The following CTNNA2 variants were observed in gnomAD, a reference collection of about 807,000 sequenced individuals.
The protein encoded by CTNNA2 is catenin alpha-2.
Under a neutral mutation model 101.0 loss-of-function variants are expected in CTNNA2, and 42 were observed. That is an observed-to-expected ratio of 0.42 (90% CI 0.32 to 0.54). The LOEUF (loss-of-function observed/expected upper bound fraction) is 0.54, where lower values mean the gene tolerates loss of function less well. Ranked by LOEUF, CTNNA2 falls within the 20% of genes least tolerant of loss-of-function variation. CTNNA2 has a pLI of 0.14. For missense variants in CTNNA2, 871 were observed against 1,223.1 expected (o/e 0.71, Z 4.29); for synonymous variants, 450 against 456.4 (o/e 0.99, Z 0.18).
At chr2:80,371,943 G>A (rs577379993) in intron 7 of CTNNA2, among the ~76,000 whole-genome samples, 4 of 152,144 alleles carry the variant, frequency 2.6e-5, no homozygotes, top group African/African-American at 7.2e-5. Flanking sequence ...ATGAAATGAC[G>A]TAAAATAGCT....
chr2:79,796,670 C>T (rs1276685871), intron 3 of CTNNA2, among the ~76,000 whole-genome samples: 3 of 152,084 alleles, frequency 2.0e-5, no homozygotes, highest in African/African-American at 4.8e-5. Flanking sequence ...TTGGGCAGGT[C>T]CAGGGTTTCA....
At chr2:79,688,467 T>C (rs891695127) in intron 2 of CTNNA2, among the ~76,000 whole-genome samples, 2 of 151,984 alleles carry the variant, frequency 1.3e-5, no homozygotes, top group African/African-American at 4.8e-5. Flanking sequence ...ATTAAAAATA[T>C]ATATATCTAT....
At chr2:80,408,411 C>T (rs1344426958) in intron 8 of CTNNA2, among the ~76,000 whole-genome samples, 2 of 152,294 alleles carry the variant, frequency 1.3e-5, no homozygotes, top group East Asian at 1.9e-4. Flanking sequence ...TTATAGGCTT[C>T]TGCTCTTAGC....
At chr2:79,781,334 C>G (rs1022079313) in intron 3 of CTNNA2, among the ~76,000 whole-genome samples, 1 of 152,158 alleles carries the variant, frequency 6.6e-6, no homozygotes, top group African/African-American at 2.4e-5. Flanking sequence ...TTTACTGCAA[C>G]CTGTTTTATC....
rs75774428 is a variant in CTNNA2 at position 80,171,920 on chromosome 2, G to T, written c.1057-221291G>T. 4.2e-3 allele frequency among the ~76,000 whole-genome samples: 635 copies of T among 152,296 alleles called. 2 individuals carry two copies. The highest frequency in any genetic ancestry group is 0.014 in the African/African-American group (595 of 41,566). ...TGTGGGGGATCCATTGCAGAGGACA[G>T]ATGTGTTCATCTTTACTAAAATGCT... On this transcript the variant is annotated intron_variant, in intron 7 of 18. Coordinates refer to ENST00000402739, the MANE Select transcript of CTNNA2 (RefSeq NM_001282597.3).
At chr2:80,284,010 T>G (rs1397922576) in intron 7 of CTNNA2, among the ~76,000 whole-genome samples, 1 of 152,174 alleles carries the variant, frequency 6.6e-6, no homozygotes, top group African/African-American at 2.4e-5. Context: ...GAACAATTAG[T>G]GTGAGTAGAA....
At chr2:80,037,406 G>A (rs530480579) in intron 7 of CTNNA2, among the ~76,000 whole-genome samples, 8 of 152,178 alleles carry the variant, frequency 5.3e-5, no homozygotes, top group African/African-American at 1.9e-4. Context: ...TCTCAACTCG[G>A]TCTCAGTTAC....
intron 7 of CTNNA2, among the ~76,000 whole-genome samples, chr2:80,127,152 A>G (rs1702180743): frequency 6.6e-6 from 1 of 152,180 alleles, no homozygotes; most frequent in Admixed American, 6.5e-5. Context: ...GTGATTAGGG[A>G]GCCCTGAACA....
chr2:80,617,966 T>A (rs2149801186), intron 17 of CTNNA2, among the ~76,000 whole-genome samples: 1 of 151,968 alleles, frequency 6.6e-6, no homozygotes, highest in South Asian at 2.1e-4. Context: ...ATGGTTTCAC[T>A]TTTCATGTAT....
At chr2:79,738,019 G>A (rs1370622121) in intron 2 of CTNNA2, among the ~76,000 whole-genome samples, 1 of 152,152 alleles carries the variant, frequency 6.6e-6, no homozygotes, top group Non-Finnish European at 1.5e-5. Flanking sequence ...ACAACATATC[G>A]CAAGAAAGAG....
intron 3 of CTNNA2, among the ~76,000 whole-genome samples, chr2:79,752,259 C>G (rs1187041397): frequency 6.8e-6 from 1 of 146,794 alleles, no homozygotes; most frequent in Non-Finnish European, 1.5e-5. Flanking sequence ...GGAAAGCAAT[C>G]CCCTGAAAAA....
At chr2:79,668,721 G>C (rs1682618675) in intron 2 of CTNNA2, among the ~76,000 whole-genome samples, 1 of 152,164 alleles carries the variant, frequency 6.6e-6, no homozygotes, top group Non-Finnish European at 1.5e-5. Flanking sequence ...ACCAAGTTAA[G>C]TGAGCAAAAA....
At chr2:79,732,486 A>C (rs1463603324) in intron 2 of CTNNA2, among the ~76,000 whole-genome samples, 3 of 152,118 alleles carry the variant, frequency 2.0e-5, no homozygotes, top group African/African-American at 7.2e-5. Context: ...ATAAAACAGT[A>C]AAACAACAAA....
In CTNNA2 at chr2:79,191,667, C is replaced by T. The variant is rs141796189; in HGVS notation, c.-524+6236C>T. Among the ~76,000 whole-genome samples the T allele has an allele frequency of 3.2e-3, 482 of 152,144 alleles. 1 individual carries two copies. The highest frequency in any genetic ancestry group is 5.0e-3 in the Non-Finnish European group (339 of 68,000). ...GGGAAGCACAGCCTCTGGTAGAGAC[C>T]GAAAGTAGAAACTTTGAGGGAGGGA... On this transcript the variant is annotated intron_variant, in intron 1 of 21. Transcript: ENST00000466387.
rs74386461 is a variant in CTNNA2 at position 79,724,964 on chromosome 2, T to C, written c.103-19423T>C. On this transcript the variant is annotated intron_variant, in intron 2 of 18. Transcript: ENST00000402739. ...TGACTTTCTGCCTTTCTCCTGCAAG[T>C]AGCATACTACTTGTAGCATGTCACA... Among the ~76,000 whole-genome samples the C allele has an allele frequency of 9.9e-3, 1,502 of 152,230 alleles. 64 individuals are homozygous for C. The East Asian group carries it at 0.12, about 12-fold the overall frequency.
chr2:79,844,162 T>C (rs1344441631), intron 3 of CTNNA2, among the ~76,000 whole-genome samples: 1 of 152,164 alleles, frequency 6.6e-6, no homozygotes, highest in African/African-American at 2.4e-5. Flanking sequence ...AAGCACAGAA[T>C]GGGGCTCCCT....
At position 80,648,012 on chromosome 2, in the gene CTNNA2, A is replaced by C. The variant is rs921645795; in HGVS notation, c.*140A>C. The stretch of plus-strand genomic sequence containing the variant: ...AAGGGAACAGTGTCTGTTTGCATGT[A>C]AGATGAGATGAGATCAATACTACTG... On this transcript the variant is annotated 3_prime_UTR_variant, in exon 19 of 19. Coordinates refer to ENST00000402739, the MANE Select transcript of CTNNA2 (RefSeq NM_001282597.3). The C allele has an allele frequency of 3.9e-6, 3 of 759,644 alleles. No individual in the cohort carries two copies. The highest frequency in any genetic ancestry group is 3.5e-5 in the African/African-American group (2 of 56,598). The allele number at this position is 759,644 out of a possible 1,614,324, so 47.1% of individuals were successfully genotyped here.
intron 7 of CTNNA2, among the ~76,000 whole-genome samples, chr2:80,071,835 T>G (rs1698363348): frequency 6.6e-6 from 1 of 152,196 alleles, no homozygotes; most frequent in African/African-American, 2.4e-5. Flanking sequence ...TGGTACCACA[T>G]GTAATGTCTG....
chr2:79,805,330 T>A (rs1253669081), intron 3 of CTNNA2, among the ~76,000 whole-genome samples: 2 of 152,218 alleles, frequency 1.3e-5, no homozygotes, highest in African/African-American at 4.8e-5. Flanking sequence ...AATGTCTTCG[T>A]TTCATCTGCT....
Sources: allele counts gnomAD v4.1 joint callset (sites outside exome capture counted in the v4.1 genomes callset), GRCh38; gene constraint gnomAD v4.1.1; transcripts MANE v1.5; gene names NCBI Gene and HGNC (gene_info 2026-07-23, HGNC 2026-07-21).